Variants in AHRR observed in about 807,000 individuals in gnomAD.
The protein encoded by AHRR is aryl hydrocarbon receptor repressor.
In AHRR, 28 loss-of-function variants were observed where a neutral mutation model predicts 44.0. The ratio of observed to expected loss-of-function variants is 0.64; its 90% CI spans 0.47 to 0.87. The LOEUF (loss-of-function observed/expected upper bound fraction) is 0.87, where lower values mean the gene tolerates loss of function less well. Among genes scored for constraint, AHRR ranks in the 40% least tolerant of loss-of-function variants. AHRR has a pLI of 0.00. For synonymous variants in AHRR, 434 were observed against 407.0 expected (o/e 1.07, Z -0.80); for missense variants, 990 against 953.9 (o/e 1.04, Z -0.50).
chr5:381,590 A>G (rs1352871874), intron 4 of AHRR, among the ~76,000 whole-genome samples: 1 of 124,198 alleles, frequency 8.1e-6, no homozygotes, highest in Non-Finnish European at 1.6e-5. Flanking sequence ...ATCTCGGTTC[A>G]CTGCAATCTC....
intron 4 of AHRR, among the ~76,000 whole-genome samples, chr5:401,022 G>A (rs1057170069): frequency 6.6e-6 from 1 of 152,246 alleles, no homozygotes; most frequent in Non-Finnish European, 1.5e-5. Context: ...CGTGTGGGGC[G>A]GGAGTGAGGC....
At chr5:415,631 G>A (rs1288112312) in intron 5 of AHRR, among the ~76,000 whole-genome samples, 5 of 145,598 alleles carry the variant, frequency 3.4e-5, no homozygotes, top group Non-Finnish European at 3.0e-5. Context: ...CCTAGGGGCC[G>A]AATCTGCCTG....
Position 434,953 on chromosome 5 carries a change from G to C in AHRR, c.*119G>C. On this transcript the variant is annotated 3_prime_UTR_variant, in exon 11 of 11. Transcript: ENST00000684583. ...CCTAAGACACACGCTTTGCAGAGCT[G>C]TGCATGCGCAGTCTGCTAGTGTGTG... 2 of 1,352,634 alleles carry C rather than the reference G, an allele frequency of 1.5e-6. No individual in the cohort carries two copies. Among genetic ancestry groups the C allele is most frequent in the Non-Finnish European group, 2.0e-6 (2 of 1,016,824 alleles). 83.8% of individuals were successfully genotyped at this position (1,352,634 alleles called of 1,614,324 possible). A position where few individuals can be genotyped will look rare whatever the true frequency, so the allele number is the denominator to read the frequency against.
At position 432,596 on chromosome 5, in the gene AHRR, C is replaced by G. The variant is rs2303739; in HGVS notation, c.970+72C>G. 906 of 1,557,632 alleles carry G rather than the reference C, an allele frequency of 5.8e-4. 41 individuals carry two copies. The East Asian group carries it at 9.8e-3, about 17-fold the overall frequency. On this transcript the variant is annotated intron_variant, in intron 9 of 10. Transcript: ENST00000684583. Reference sequence around the variant, plus strand: ...TGTTTCTGCCCTTGGAGAGCTTCCCCGCCCAGTGGAGATGTTGGCGTATTC... The same window carrying G: ...TGTTTCTGCCCTTGGAGAGCTTCCCGGCCCAGTGGAGATGTTGGCGTATTC...
intron 5 of AHRR, among the ~76,000 whole-genome samples, chr5:420,490 G>T (rs2126527777): frequency 6.6e-6 from 1 of 152,354 alleles, no homozygotes; most frequent in South Asian, 2.1e-4. Flanking sequence ...TGCAGATGCT[G>T]GGCAAGCTGC....
At chr5:428,541 C>G (rs987590088) in intron 8 of AHRR, among the ~76,000 whole-genome samples, 2 of 152,226 alleles carry the variant, frequency 1.3e-5, no homozygotes, top group African/African-American at 2.4e-5. Context: ...CCCTGTTGGT[C>G]CCCGAGCTTG....
chr5:362,070 T>G (rs1743205137), intron 3 of AHRR, among the ~76,000 whole-genome samples: 1 of 152,188 alleles, frequency 6.6e-6, no homozygotes, highest in Admixed American at 6.5e-5. Context: ...AGAAGGGGCC[T>G]CTAAGGAAGT....
At position 338,077 on chromosome 5, in the gene AHRR, G is replaced by A. The variant is rs1435922886; in HGVS notation, c.-10-5816G>A. Among the ~76,000 whole-genome samples the A allele has an allele frequency of 6.6e-6, 1 of 152,168 alleles. No homozygotes were observed. Among genetic ancestry groups the A allele is most frequent in the Non-Finnish European group, 1.5e-5 (1 of 68,034 alleles). On this transcript the variant is annotated intron_variant, in intron 1 of 10. Transcript: ENST00000684583. This position sits in a 1 kb window ranked among gnomAD's most constrained non-coding sequence, Gnocchi z 4.1. ...CTTCTGAGTACTGTCACCTCACTTT[G>A]CGAATACATGTCTCCCCTCCCGGGT...
At chr5:376,555 A>ACTGTGGGGT in intron 3 of AHRR, 55 bp from the exon 4 acceptor site, 1 of 1,428,920 alleles carries the variant, frequency 7.0e-7, no homozygotes, top group Non-Finnish European at 9.4e-7. Context: ...TGAATGAAGA[A>ACTGTGGGGT]GAGTGGCCAG....
rs577651777 is a variant in AHRR at position 387,122 on chromosome 5, G to A, written c.351+10406G>A. Among the ~76,000 whole-genome samples the A allele has an allele frequency of 3.3e-5, 5 of 152,344 alleles. No homozygotes were observed. The highest frequency in any genetic ancestry group is 2.1e-4 in the South Asian group (1 of 4,828). On this transcript the variant is annotated intron_variant, in intron 4 of 10. Coordinates refer to ENST00000684583, the MANE Select transcript of AHRR (RefSeq NM_001377236.1). This position sits in a 1 kb window ranked among gnomAD's most constrained non-coding sequence, Gnocchi z 5.1. Reference sequence around the variant, plus strand: ...CTTGGGGCCTTGGGCACAGGTTCACGTCAGTGCAGCTCAAAGTGCTTTACG... The same window carrying A: ...CTTGGGGCCTTGGGCACAGGTTCACATCAGTGCAGCTCAAAGTGCTTTACG...
intron 5 of AHRR, among the ~76,000 whole-genome samples, chr5:413,642 A>G (rs1204105438): frequency 6.6e-6 from 1 of 152,140 alleles, no homozygotes; most frequent in Non-Finnish European, 1.5e-5. Flanking sequence ...GAGGCTTCTC[A>G]GTGTTAGGGG....
intron 4 of AHRR, among the ~76,000 whole-genome samples, chr5:378,050 C>T (rs974386644): frequency 6.6e-6 from 1 of 152,146 alleles, no homozygotes; most frequent in Non-Finnish European, 1.5e-5. Context: ...CTCTGGCCCA[C>T]GGAAATTTCT....
intron 1 of AHRR, among the ~76,000 whole-genome samples, chr5:325,113 T>G (rs999782147): frequency 3.1e-4 from 47 of 152,328 alleles, no homozygotes; most frequent in Non-Finnish European, 5.0e-4. Context: ...TTTGGGATTT[T>G]GGGGACAAGA....
chr5:334,200 T>C (rs546723894), intron 1 of AHRR, among the ~76,000 whole-genome samples: 5 of 152,164 alleles, frequency 3.3e-5, no homozygotes, highest in Non-Finnish European at 5.9e-5. Flanking sequence ...GTAGTGTCTT[T>C]TTTGCACGAT....
intron 3 of AHRR, 64 bp from the exon 4 acceptor site, chr5:376,546 G>T (rs1733681223): frequency 2.1e-6 from 3 of 1,395,546 alleles, no homozygotes; most frequent in South Asian, 2.8e-5. Flanking sequence ...GGAAAGATGT[G>T]AATGAAGAAG....
chr5:436,499 T>C lies in AHRR; in HGVS notation c.*1665T>C, dbSNP rs1021943448. 21 of 152,372 alleles carry C rather than the reference T, an allele frequency of 1.4e-4. 1 individual carries two copies. The highest frequency in any genetic ancestry group is 5.1e-4 in the African/African-American group (21 of 41,454). 9.4% of individuals were successfully genotyped at this position (152,372 alleles called of 1,614,324 possible). On this transcript the variant is annotated 3_prime_UTR_variant, in exon 11 of 11. Transcript: ENST00000684583. ...TCTCAGTGGCCTGGTTCTTGGACAG[T>C]TTGCCCCCATGTGGCAGGGATAGGG...
Position 353,724 on chromosome 5 carries a change from C to T in AHRR, c.63-6C>T. Reference sequence around the variant, plus strand: ...AGCCCACCTGACCCAGACCATCTCCCCACAGGAGGCCCGCCGTGGGGGCAG... The same window carrying T: ...AGCCCACCTGACCCAGACCATCTCCTCACAGGAGGCCCGCCGTGGGGGCAG... On this transcript the variant is annotated splice_region_variant and splice_polypyrimidine_tract_variant and intron_variant, in intron 2 of 10. Coordinates refer to ENST00000684583, the MANE Select transcript of AHRR (RefSeq NM_001377236.1). 6.2e-7 allele frequency: 1 copy of T among 1,604,180 alleles called. No homozygotes were observed. Among genetic ancestry groups the T allele is most frequent in the South Asian group, 1.1e-5 (1 of 90,200 alleles).
At chr5:421,061 G>A (rs1736085926) in intron 5 of AHRR, 3 of 528,800 alleles carry the variant, frequency 5.7e-6, no homozygotes, top group South Asian at 2.2e-5. Flanking sequence ...CCACCGCAGC[G>A]ACTAAAAGAT....
chr5:343,952 C>A lies in AHRR; in HGVS notation c.50C>A (p.Pro17His). Reference protein sequence around the residue: ...CTYAGRKRRRPLQKQRPAVGA... With the variant: ...CTYAGRKRRRHLQKQRPAVGA... The stretch of plus-strand genomic sequence containing the variant: ...TACGCGGGCCGGAAGCGGAGGAGGC[C>A]CCTGCAGAAACAGTAAAGTATCCCG... The change falls in exon 2 of 11, where the codon CCC (proline) becomes CAC (histidine). Residue 17 changes from proline (P) to histidine (H), a missense_variant. Coordinates refer to ENST00000684583, the MANE Select transcript of AHRR (RefSeq NM_001377236.1). 6.3e-7 allele frequency: 1 copy of A among 1,599,020 alleles called. No homozygotes were observed. The highest frequency in any genetic ancestry group is 1.1e-5 in the South Asian group (1 of 90,144).
Sources: allele counts gnomAD v4.1 joint callset (sites outside exome capture counted in the v4.1 genomes callset), GRCh38; gene constraint gnomAD v4.1.1; non-coding constraint Gnocchi (gnomAD v3.1); transcripts MANE v1.5; gene names NCBI Gene and HGNC (gene_info 2026-07-23, HGNC 2026-07-21).